Variants in CACHD1 observed in about 807,000 individuals in gnomAD.
The protein encoded by CACHD1 is cache domain containing 1.
A neutral mutation model predicts 138.7 loss-of-function variants in CACHD1; 71 were observed. The observed-to-expected ratio is 0.51, with a 90% CI of 0.42 to 0.62. The LOEUF is 0.62. CACHD1 is among the 20% of genes least tolerant of loss of function. The pLI is 0.00. For missense variants in CACHD1, 1,389 were observed against 1,625.3 expected, an observed-to-expected ratio of 0.85 and a Z score of 2.50; for synonymous variants, 578 against 591.5, an observed-to-expected ratio of 0.98 and a Z score of 0.33.
intron 26 of CACHD1, among the ~76,000 whole-genome samples, chr1:64,686,253 T>G (rs541365311): frequency 6.6e-6 from 1 of 152,320 alleles, no homozygotes; most frequent in East Asian, 1.9e-4. Flanking sequence ...GAATTAAGTC[T>G]ATAAATACAT....
chr1:64,604,093 T>G (rs531901659), intron 4 of CACHD1, among the ~76,000 whole-genome samples: 1 of 152,312 alleles, frequency 6.6e-6, no homozygotes, highest in East Asian at 1.9e-4. Flanking sequence ...AATATTTACT[T>G]TTAGGGCCCC....
chr1:64,610,675 G>A (rs1276365761), intron 4 of CACHD1, among the ~76,000 whole-genome samples: 1 of 152,226 alleles, frequency 6.6e-6, no homozygotes, highest in Admixed American at 6.5e-5. Flanking sequence ...CCACCTCCTG[G>A]CTCCTATCAC....
Position 64,626,347 on chromosome 1 carries a change from T to C in CACHD1, c.518-3008T>C, listed in dbSNP as rs920196894. 3.3e-5 allele frequency among the ~76,000 whole-genome samples: 5 copies of C among 152,290 alleles called. No individual in the cohort carries two copies. In the South Asian group the frequency reaches 8.3e-4, roughly 25 times the overall value. On this transcript the variant is annotated intron_variant, in intron 4 of 26. Transcript: ENST00000651257. Reference sequence around the variant, plus strand: ...TGGAAAGCAATCAAAATATTTGCCATAGATCAAAAAGATAGTCCTCAGATA... The same window carrying C: ...TGGAAAGCAATCAAAATATTTGCCACAGATCAAAAAGATAGTCCTCAGATA...
At chr1:64,552,234 A>T (rs1646764516) in intron 2 of CACHD1, among the ~76,000 whole-genome samples, 1 of 152,060 alleles carries the variant, frequency 6.6e-6, no homozygotes, top group Non-Finnish European at 1.5e-5. Context: ...CAATAATTTT[A>T]GAAATTATAC....
intron 26 of CACHD1, among the ~76,000 whole-genome samples, chr1:64,684,191 CT>C (rs1261277630): frequency 2.0e-5 from 3 of 152,148 alleles, no homozygotes. Context: ...CGGAGTCTCG[CT>C]CTTGTCACCC....
intron 4 of CACHD1, among the ~76,000 whole-genome samples, chr1:64,628,175 A>G (rs1185650521): frequency 1.3e-5 from 2 of 152,232 alleles, no homozygotes; most frequent in Non-Finnish European, 2.9e-5. Flanking sequence ...CCTTATAGTC[A>G]TATAAACAGA....
At chr1:64,585,032 TGTAAA>T (rs1374363363) in intron 3 of CACHD1, among the ~76,000 whole-genome samples, 1 of 152,084 alleles carries the variant, frequency 6.6e-6, no homozygotes, top group Middle Eastern at 3.2e-3. Flanking sequence ...AATATAAACA[TGTAAA>T]GAAAAATACC....
chr1:64,686,789 A>G (rs1481031865), intron 26 of CACHD1, among the ~76,000 whole-genome samples: 3 of 152,240 alleles, frequency 2.0e-5, no homozygotes, highest in Non-Finnish European at 4.4e-5. Flanking sequence ...ATTTCTCCCT[A>G]GTTTGTGGCA....
chr1:64,627,429 A>C (rs1451232106), intron 4 of CACHD1, among the ~76,000 whole-genome samples: 1 of 152,144 alleles, frequency 6.6e-6, no homozygotes, highest in Non-Finnish European at 1.5e-5. Context: ...TAAATAAAAA[A>C]ATAGAATAGG....
intron 1 of CACHD1, among the ~76,000 whole-genome samples, chr1:64,477,760 G>T (rs1234743266): frequency 6.6e-6 from 1 of 150,646 alleles, no homozygotes; most frequent in Non-Finnish European, 1.5e-5. Flanking sequence ...TCAGCCTCCC[G>T]AGTAGCTGGG....
At chr1:64,534,448 G>T (rs934874677) in intron 1 of CACHD1, among the ~76,000 whole-genome samples, 1 of 152,150 alleles carries the variant, frequency 6.6e-6, no homozygotes, top group African/African-American at 2.4e-5. Context: ...AATATGAAGG[G>T]CAGGTAAACA....
In CACHD1 at chr1:64,652,180, T is replaced by A; in HGVS notation, c.1410T>A (p.Ser470Arg). 6.2e-7 allele frequency: 1 copy of A among 1,611,492 alleles called. No homozygotes were observed. The highest frequency in any genetic ancestry group is 8.5e-7 in the Non-Finnish European group (1 of 1,179,194). The change falls in exon 10 of 27, where the codon AGT (serine) becomes AGA (arginine). Residue 470 changes from serine to arginine, a missense_variant. Transcript: ENST00000651257. ...EMGDGLIMTV[S>R]KPCYFGNLLL... ...CCATAGGTTTGATAATGACTGTGAGTAAACCCTGTTATTTTGGAAACCTAC... is the reference window on the plus strand; with the variant it reads ...CCATAGGTTTGATAATGACTGTGAGAAAACCCTGTTATTTTGGAAACCTAC...
chr1:64,657,308 A>C (rs1342572780), intron 12 of CACHD1, among the ~76,000 whole-genome samples: 5 of 152,182 alleles, frequency 3.3e-5, no homozygotes, highest in African/African-American at 1.2e-4. Flanking sequence ...ACATGACAGA[A>C]AGACCTATAT....
chr1:64,471,675 G>A lies in CACHD1; in HGVS notation c.198+733G>A, dbSNP rs894209928. ...TGCTGTAGTTTGCGTGCTGTCTGCT[G>A]TATGATTTTTGTTTCGTGTGTGCCT... On this transcript the variant is annotated intron_variant, in intron 1 of 26. Coordinates refer to ENST00000651257, the MANE Select transcript of CACHD1 (RefSeq NM_020925.4). Among the ~76,000 whole-genome samples, 5 of 152,230 alleles carry A rather than the reference G, an allele frequency of 3.3e-5. No homozygotes were observed. In the East Asian group the frequency reaches 9.6e-4, roughly 29 times the overall value.
chr1:64,507,998 T>A (rs1646390126), intron 1 of CACHD1, among the ~76,000 whole-genome samples: 1 of 152,180 alleles, frequency 6.6e-6, no homozygotes, highest in African/African-American at 2.4e-5. Flanking sequence ...CAGGGTTTCA[T>A]AGGCTGTACA....
chr1:64,583,723 A>G (rs1647029805), intron 3 of CACHD1, among the ~76,000 whole-genome samples: 1 of 152,290 alleles, frequency 6.6e-6, no homozygotes, highest in Non-Finnish European at 1.5e-5. Context: ...CCTCACAATC[A>G]TGGCGGAAAG....
At chr1:64,613,800 C>G (rs1015149018) in intron 4 of CACHD1, among the ~76,000 whole-genome samples, 7 of 152,174 alleles carry the variant, frequency 4.6e-5, no homozygotes, top group African/African-American at 1.7e-4. Context: ...CCTCACTAAT[C>G]ATTATCTTCC....
chr1:64,673,410 C>T lies in CACHD1; in HGVS notation c.2673C>T (p.Asn891=), dbSNP rs1453379134. The change falls in exon 19 of 27, where the codon AAC becomes AAT. Residue 891 remains asparagine, a synonymous_variant. Coordinates refer to ENST00000651257, the MANE Select transcript of CACHD1 (RefSeq NM_020925.4). ...ACTTTGTAAAGAAAAACCTGTGCAA[C>T]AGCTTCAGTGACAGAACGGTCCAGA... ...HPNFVKKNLC[N]SFSDRTVQRF... is the part of the protein sequence containing the mutation. 2 of 1,614,152 alleles carry T rather than the reference C, an allele frequency of 1.2e-6. No homozygotes were observed. Among genetic ancestry groups the T allele is most frequent in the Non-Finnish European group, 8.5e-7 (1 of 1,180,010 alleles).
chr1:64,570,168 CAT>C (rs1252218766), intron 2 of CACHD1, among the ~76,000 whole-genome samples: 1 of 152,184 alleles, frequency 6.6e-6, no homozygotes, highest in Non-Finnish European at 1.5e-5. Context: ...TCATCCCTAA[CAT>C]ATCCCATGGT....
Sources: gnomAD v4.1 joint callset for allele counts (sites outside exome capture counted in the v4.1 genomes callset) on GRCh38, gnomAD v4.1.1 for gene constraint, MANE v1.5 for transcripts, NCBI Gene and HGNC (gene_info 2026-07-23, HGNC 2026-07-21) for gene names.